The following ZMYM2 variants were observed in gnomAD, a reference collection of about 807,000 sequenced individuals.
The protein encoded by ZMYM2 is zinc finger MYM-type protein 2.
In ZMYM2, 56 loss-of-function variants were observed where a neutral mutation model predicts 162.8. The ratio of observed to expected loss-of-function variants is 0.34; its 90% CI spans 0.28 to 0.43. ZMYM2 has a LOEUF of 0.43. Among genes scored for constraint, ZMYM2 ranks in the 20% least tolerant of loss-of-function variants. The pLI, the probability that ZMYM2 is intolerant of heterozygous loss-of-function variation, is 1.00. For missense variants in ZMYM2, 1,275 were observed against 1,621.8 expected (o/e 0.79, Z 3.67); for synonymous variants, 510 against 541.6 (o/e 0.94, Z 0.81).
chr13:20,055,195 T>C lies in ZMYM2; in HGVS notation c.2493+2884T>C, dbSNP rs568656355. Among the ~76,000 whole-genome samples the C allele has an allele frequency of 1.8e-4, 27 of 152,258 alleles. 1 individual carries two copies. In the South Asian group the frequency reaches 5.4e-3, roughly 30 times the overall value. ...GGTCCTAGAACCAGTCCTCCACATA[T>C]ACTGAGAGATAATTGTGCAGTCAGT... On this transcript the variant is annotated intron_variant, in intron 14 of 24. Transcript: ENST00000610343.
chr13:19,995,640 A>G (rs1171365104), intron 3 of ZMYM2, among the ~76,000 whole-genome samples: 2 of 152,112 alleles, frequency 1.3e-5, no homozygotes, highest in Admixed American at 6.6e-5. Context: ...TGGCCTCTCA[A>G]AGTTCTGGGA....
intron 18 of ZMYM2, among the ~76,000 whole-genome samples, chr13:20,063,812 A>G (rs1160796212): frequency 5.5e-5 from 8 of 146,772 alleles, no homozygotes; most frequent in Non-Finnish European, 1.2e-4. Context: ...TATATAATAT[A>G]TATAATACAT....
chr13:19,949,148 G>A, the ZMYM2 span, among the ~76,000 whole-genome samples: 5 of 151,744 alleles, frequency 3.3e-5, no homozygotes, highest in East Asian at 1.9e-4. Context: ...TGTGGCTCAC[G>A]CCTCTAATCC....
intron 2 of ZMYM2, among the ~76,000 whole-genome samples, chr13:19,964,439 G>GT (rs939932835): frequency 2.0e-5 from 3 of 152,048 alleles, no homozygotes; most frequent in South Asian, 2.1e-4. Flanking sequence ...TAATAGGTCG[G>GT]TTTTTTGTAG....
At chr13:19,998,444 C>T (rs192848641) in intron 3 of ZMYM2, among the ~76,000 whole-genome samples, 1 of 152,232 alleles carries the variant, frequency 6.6e-6, no homozygotes, top group Admixed American at 6.5e-5. Flanking sequence ...AAATAGAACA[C>T]CCCGAGGAGC....
chr13:19,969,510 A>C (rs932171543), intron 2 of ZMYM2, among the ~76,000 whole-genome samples: 4 of 152,222 alleles, frequency 2.6e-5, no homozygotes, highest in African/African-American at 9.6e-5. Context: ...GCTGTCAAGC[A>C]TGTTTTTCAT....
chr13:20,072,914 C>CTT lies in ZMYM2; in HGVS notation c.3453+5535_3453+5536dup, dbSNP rs1350736675. Among the ~76,000 whole-genome samples the CTT allele has an allele frequency of 3.1e-3, 445 of 144,514 alleles. 7 individuals are homozygous for CTT. The highest frequency in any genetic ancestry group is 0.011 in the African/African-American group (425 of 39,720). 94.8% of individuals were successfully genotyped at this position (144,514 alleles called of 152,430 possible). A position where few individuals can be genotyped will look rare whatever the true frequency, so the allele number is the denominator to read the frequency against. ...TGTGCCTTCTTTTTGTTTCTTAGTTCTTTTTTTTTTTTGAGACAAAGTCTC... is the reference window on the plus strand; with the variant it reads ...TGTGCCTTCTTTTTGTTTCTTAGTTCTTTTTTTTTTTTTTGAGACAAAGTCTC... On this transcript the variant is annotated intron_variant, in intron 21 of 24. Coordinates refer to ENST00000610343, the MANE Select transcript of ZMYM2 (RefSeq NM_197968.4).
At chr13:19,984,304 G>A (rs1277618882) in intron 2 of ZMYM2, among the ~76,000 whole-genome samples, 2 of 152,066 alleles carry the variant, frequency 1.3e-5, no homozygotes, top group East Asian at 3.9e-4. Flanking sequence ...TCAAAATAAA[G>A]ACCAAATAGA....
intron 12 of ZMYM2, among the ~76,000 whole-genome samples, chr13:20,050,836 C>T (rs909679970): frequency 1.3e-5 from 2 of 151,916 alleles, no homozygotes; most frequent in African/African-American, 4.8e-5. Flanking sequence ...GGTCAAATTG[C>T]TTGTCTTATA....
At chr13:19,909,528 T>G in the ZMYM2 span, among the ~76,000 whole-genome samples, 120,742 of 149,624 alleles carry the variant, frequency 0.81, 49,765 homozygotes, top group East Asian at 0.96. Flanking sequence ...CACCTCCCAG[T>G]TTCAAGCGAT....
At chr13:19,956,704 C>T (rs1288438755), upstream of ZMYM2, among the ~76,000 whole-genome samples, 1 of 152,204 alleles carries the variant, frequency 6.6e-6, no homozygotes, top group Admixed American at 6.5e-5. Context: ...AGAGCTCCAA[C>T]TGAACAGTAC....
intron 2 of ZMYM2, among the ~76,000 whole-genome samples, chr13:19,986,876 G>A (rs926082656): frequency 6.6e-6 from 1 of 151,980 alleles, no homozygotes; most frequent in African/African-American, 2.4e-5. Context: ...GCCGAGGCAG[G>A]TGGATCACTT....
At chr13:19,921,280 C>T in the ZMYM2 span, among the ~76,000 whole-genome samples, 1 of 152,118 alleles carries the variant, frequency 6.6e-6, no homozygotes, top group African/African-American at 2.4e-5. Context: ...GCTGGGGTTA[C>T]AGACATGAGC....
chr13:20,004,972 G>T, intron 4 of ZMYM2, 102 bp from the exon 5 acceptor site: 2 of 804,946 alleles, frequency 2.5e-6, no homozygotes, highest in South Asian at 4.4e-5. Flanking sequence ...AATGATGTTT[G>T]ATTTGCAGGA....
chr13:19,991,419 C>T (rs1032381738), intron 2 of ZMYM2, among the ~76,000 whole-genome samples: 2 of 151,908 alleles, frequency 1.3e-5, no homozygotes. Context: ...TGTGTCTGGC[C>T]TGAGGTTATC....
At position 20,023,851 on chromosome 13, in the gene ZMYM2, G is replaced by T. The variant is rs531348088; in HGVS notation, c.1585-2761G>T. Among the ~76,000 whole-genome samples the T allele has an allele frequency of 2.6e-5, 4 of 152,190 alleles. No individual in the cohort carries two copies. In the South Asian group the frequency reaches 8.3e-4, roughly 32 times the overall value. ...GTTCTTTCATTAATTGGTTCTTTGA[G>T]GCAGCGGTAGCTGTGCAAGTGGCAG... is the stretch of plus-strand genomic sequence containing the variant. On this transcript the variant is annotated intron_variant, in intron 7 of 24. Coordinates refer to ENST00000610343, the MANE Select transcript of ZMYM2 (RefSeq NM_197968.4).
At chr13:19,873,889 C>T in the ZMYM2 span, among the ~76,000 whole-genome samples, 1 of 152,198 alleles carries the variant, frequency 6.6e-6, no homozygotes, top group African/African-American at 2.4e-5. Flanking sequence ...CCATGCCTGG[C>T]ACCCAATAGA....
chr13:19,909,574 A>G, the ZMYM2 span, among the ~76,000 whole-genome samples: 4 of 151,886 alleles, frequency 2.6e-5, no homozygotes, highest in Admixed American at 2.6e-4. Flanking sequence ...CCAGGATTAC[A>G]GGCACGTGAC....
intron 3 of ZMYM2, among the ~76,000 whole-genome samples, chr13:19,997,562 A>G (rs548163875): frequency 6.6e-6 from 1 of 152,276 alleles, no homozygotes; most frequent in African/African-American, 2.4e-5. Flanking sequence ...TTTTTAACTT[A>G]CAGAAATACA....
Sources: allele counts gnomAD v4.1 joint callset (sites outside exome capture counted in the v4.1 genomes callset), GRCh38; gene constraint gnomAD v4.1.1; transcripts MANE v1.5; gene names NCBI Gene and HGNC (gene_info 2026-07-23, HGNC 2026-07-21).